PCDHA2: variants seen among roughly 807,000 people sequenced by gnomAD.
PCDHA2 encodes protocadherin alpha-2.
PCDHA2 carries 58 observed loss-of-function variants against 66.0 expected under a neutral mutation model. The ratio of observed to expected loss-of-function variants is 0.88; its 90% CI spans 0.71 to 1.09. The LOEUF (loss-of-function observed/expected upper bound fraction) is 1.09. PCDHA2 is among the 50% of genes least tolerant of loss of function. PCDHA2 has a pLI of 0.00. For synonymous variants in PCDHA2, 634 were observed against 554.0 expected (o/e 1.14, Z -2.03); for missense variants, 1,267 against 1,242.3 (o/e 1.02, Z -0.30).
intron 1 of PCDHA2, chr5:140,927,671 C>T (rs2084485955): frequency 6.2e-7 from 1 of 1,614,198 alleles, no homozygotes; most frequent in Non-Finnish European, 8.5e-7. Context: ...GCCTTGGATC[C>T]AGATGAAGGG....
intron 1 of PCDHA2, chr5:140,807,353 C>T: frequency 6.2e-7 from 1 of 1,610,912 alleles, no homozygotes; most frequent in Non-Finnish European, 8.5e-7. Flanking sequence ...GGGACTGGAG[C>T]TGGCGGAGCT....
At chr5:140,841,779 C>T in intron 1 of PCDHA2, 1 of 1,613,838 alleles carries the variant, frequency 6.2e-7, no homozygotes, top group Non-Finnish European at 8.5e-7. Flanking sequence ...TCTCGGTTTC[C>T]GCTAGAGGGC....
At chr5:140,877,533 G>A (rs1554169813) in intron 1 of PCDHA2, 2 of 1,613,790 alleles carry the variant, frequency 1.2e-6, no homozygotes, top group South Asian at 2.2e-5. Context: ...TGGGCGCTGT[G>A]GATCCCGAAG....
At chr5:140,879,960 C>T (rs781917048) in intron 1 of PCDHA2, among the ~76,000 whole-genome samples, 3 of 152,168 alleles carry the variant, frequency 2.0e-5, no homozygotes, top group Non-Finnish European at 4.4e-5. Flanking sequence ...TCTGGATAAT[C>T]CAGGATAAAC....
At chr5:140,838,741 G>A (rs2150292053) in intron 1 of PCDHA2, among the ~76,000 whole-genome samples, 3 of 152,088 alleles carry the variant, frequency 2.0e-5, no homozygotes, top group African/African-American at 7.2e-5. Flanking sequence ...TTTGAGACCA[G>A]CTTGTGCATC....
intron 1 of PCDHA2, chr5:140,830,286 G>C (rs1434180043): frequency 6.2e-7 from 1 of 1,613,738 alleles, no homozygotes; most frequent in Non-Finnish European, 8.5e-7. Flanking sequence ...GAGGGCGCGT[G>C]CACGGCGGAC....
intron 2 of PCDHA2, among the ~76,000 whole-genome samples, chr5:140,980,093 G>A (rs1223807762): frequency 2.0e-5 from 3 of 152,166 alleles, no homozygotes; most frequent in South Asian, 2.1e-4. Context: ...AGTTGGCTTG[G>A]TAAGATGTCA....
intron 1 of PCDHA2, among the ~76,000 whole-genome samples, chr5:140,893,478 C>T (rs1365540423): frequency 2.6e-5 from 4 of 151,996 alleles, no homozygotes; most frequent in African/African-American, 9.7e-5. Flanking sequence ...CATAGCAAGA[C>T]CCTGTTCTTC....
chr5:140,821,788 C>A, intron 1 of PCDHA2: 2 of 1,611,448 alleles, frequency 1.2e-6, no homozygotes, highest in African/African-American at 1.3e-5. Context: ...GGTATATTCC[C>A]GGAGAGGAAG....
At chr5:140,826,162 GT>G (rs1768831898) in intron 1 of PCDHA2, among the ~76,000 whole-genome samples, 1 of 152,122 alleles carries the variant, frequency 6.6e-6, no homozygotes, top group Non-Finnish European at 1.5e-5. Context: ...TTGAGAAATA[GT>G]TTTTGTCATT....
intron 3 of PCDHA2, among the ~76,000 whole-genome samples, chr5:141,002,517 G>A (rs770473989): frequency 5.3e-5 from 8 of 152,208 alleles, no homozygotes; most frequent in Non-Finnish European, 8.8e-5. Flanking sequence ...GAGTCTCCTA[G>A]CTGGAGTCAG....
chr5:140,830,527 A>T (rs1409686582), intron 1 of PCDHA2: 11 of 1,307,954 alleles, frequency 8.4e-6, no homozygotes, highest in Non-Finnish European at 1.1e-5. Context: ...TTTATTTTAA[A>T]TTTATAATTG....
At chr5:140,903,770 C>T (rs1583503336) in intron 1 of PCDHA2, among the ~76,000 whole-genome samples, 1 of 152,136 alleles carries the variant, frequency 6.6e-6, no homozygotes, top group Non-Finnish European at 1.5e-5. Flanking sequence ...CTGAACTTTT[C>T]TATCCATAAA....
intron 1 of PCDHA2, among the ~76,000 whole-genome samples, chr5:140,886,964 A>T (rs2061244320): frequency 6.6e-6 from 1 of 152,114 alleles, no homozygotes; most frequent in Admixed American, 6.5e-5. Context: ...TTAGCAACGA[A>T]ATTTATTATT....
chr5:140,928,513 A>G lies in PCDHA2; in HGVS notation c.2389-50436A>G, dbSNP rs781867292. On this transcript the variant is annotated intron_variant, in intron 1 of 3. Transcript: ENST00000526136. ...TCCTCCCAGAAGTGCAACAGTGACTATAAACTTGTTTGTGGTAGATAGGAA... is the reference window on the plus strand; with the variant it reads ...TCCTCCCAGAAGTGCAACAGTGACTGTAAACTTGTTTGTGGTAGATAGGAA... 1.4e-5 allele frequency: 23 copies of G among 1,614,064 alleles called. No individual in the cohort carries two copies. In the African/African-American group the frequency reaches 2.8e-4, roughly 20 times the overall value.
chr5:140,962,339 G>A (rs1454430913), intron 1 of PCDHA2, among the ~76,000 whole-genome samples: 1 of 152,152 alleles, frequency 6.6e-6, no homozygotes, highest in Non-Finnish European at 1.5e-5. Flanking sequence ...TGATAAAGAA[G>A]TAAAACTCCC....
chr5:140,948,573 G>A (rs892818051), intron 1 of PCDHA2, among the ~76,000 whole-genome samples: 1 of 151,448 alleles, frequency 6.6e-6, no homozygotes, highest in Non-Finnish European at 1.5e-5. Flanking sequence ...ATTTTTTAAA[G>A]GATTTGTCAG....
At position 140,847,428 on chromosome 5, in the gene PCDHA2, C is replaced by T. The variant is rs1464927725; in HGVS notation, c.2388+50076C>T. ...AAACACTCACGGTTTTGCCTTTAGA[C>T]TTGAGATACACTAAAATCTAGATTT... On this transcript the variant is annotated intron_variant, in intron 1 of 3. Coordinates refer to ENST00000526136, the MANE Select transcript of PCDHA2 (RefSeq NM_018905.3). 2.7e-5 allele frequency: 4 copies of T among 149,590 alleles called. 2 individuals are homozygous for T. Among genetic ancestry groups the T allele is most frequent in the Non-Finnish European group, 6.0e-5 (4 of 66,914 alleles). The allele number at this position is 149,590 out of a possible 1,614,324, so 9.3% of individuals were successfully genotyped here.
intron 3 of PCDHA2, among the ~76,000 whole-genome samples, chr5:140,988,079 G>A (rs1431334458): frequency 6.6e-6 from 1 of 152,188 alleles, no homozygotes; most frequent in Non-Finnish European, 1.5e-5. Flanking sequence ...TATTTCATGA[G>A]TGAGTGCAGC....
Sources: allele counts gnomAD v4.1 joint callset (sites outside exome capture counted in the v4.1 genomes callset), GRCh38; gene constraint gnomAD v4.1.1; transcripts MANE v1.5; gene names NCBI Gene and HGNC (gene_info 2026-07-23, HGNC 2026-07-21).